Variants in TENM3 observed in about 807,000 individuals in gnomAD.
TENM3 encodes teneurin transmembrane protein 3.
In TENM3, 63 loss-of-function variants were observed where a neutral mutation model predicts 255.1. The ratio of observed to expected loss-of-function variants is 0.25; its 90% confidence interval spans 0.20 to 0.30. TENM3 has a LOEUF of 0.30. Ranked by LOEUF, TENM3 falls within the 10% of genes least tolerant of loss-of-function variation. The pLI, the probability that TENM3 is intolerant of heterozygous loss-of-function variation, is 1.00. For missense variants in TENM3, 2,929 were observed against 3,461.1 expected (o/e 0.85, Z 3.86); for synonymous variants, 1,306 against 1,322.3 (o/e 0.99, Z 0.27).
At chr4:182,072,105 G>T in the TENM3 span, among the ~76,000 whole-genome samples, 12 of 152,192 alleles carry the variant, frequency 7.9e-5, no homozygotes, top group Non-Finnish European at 1.5e-4. Context: ...TGGCTGCCCA[G>T]TTGTCTTGTC....
rs769939566 is a variant in TENM3 at position 182,755,010 on chromosome 4, G to GCAATGA, written c.4650_4655dup (p.Asn1551_Asp1552dup). The GCAATGA allele has an allele frequency of 6.2e-7, 1 of 1,613,968 alleles. No homozygotes were observed. Among genetic ancestry groups the GCAATGA allele is most frequent in the South Asian group, 1.1e-5 (1 of 91,078 alleles). ...GATTACCTTTACAATTTTAGCTACA[G>GCAATGA]CAATGACAATGATATTACTGCTGTG... On this transcript the variant is annotated inframe_insertion, in exon 22 of 28. Coordinates refer to ENST00000511685, the MANE Select transcript of TENM3 (RefSeq NM_001080477.4).
the TENM3 span, among the ~76,000 whole-genome samples, chr4:181,734,019 A>G: frequency 0.43 from 65,897 of 152,050 alleles, 15,585 homozygotes; most frequent in East Asian, 0.62. Context: ...TTATTAAGCC[A>G]TAAACGTATC....
chr4:181,982,396 ATG>A, the TENM3 span, among the ~76,000 whole-genome samples: 2 of 152,170 alleles, frequency 1.3e-5, no homozygotes, highest in Non-Finnish European at 2.9e-5. Context: ...TGGGAGGCGG[ATG>A]TACAGTATTG....
chr4:182,113,467 C>G, the TENM3 span, among the ~76,000 whole-genome samples: 2 of 152,082 alleles, frequency 1.3e-5, no homozygotes, highest in African/African-American at 2.4e-5. Context: ...TCTATCCTTC[C>G]TCTCTATTAC....
In TENM3 at chr4:182,638,005, T is replaced by TGAAGA. The variant is rs201849423; in HGVS notation, c.988+9119_988+9120insGAGAA. Among the ~76,000 whole-genome samples, 1,257 of 151,804 alleles carry TGAAGA rather than the reference T, an allele frequency of 8.3e-3. 17 individuals are homozygous for TGAAGA. The highest frequency in any genetic ancestry group is 0.029 in the African/African-American group (1,190 of 41,390). Reference sequence around the variant, plus strand: ...TTAAAACTAATATATTGTGATATAATGAAAATTTATCCATGTGTTAGGGGA... The same window carrying TGAAGA: ...TTAAAACTAATATATTGTGATATAATGAAGAGAAAATTTATCCATGTGTTAGGGGA... On this transcript the variant is annotated intron_variant, in intron 5 of 27. Coordinates refer to ENST00000511685, the MANE Select transcript of TENM3 (RefSeq NM_001080477.4).
chr4:182,520,976 A>G (rs1049228981), intron 3 of TENM3, among the ~76,000 whole-genome samples: 1 of 152,158 alleles, frequency 6.6e-6, no homozygotes, highest in Admixed American at 6.5e-5. Flanking sequence ...GTTCAAATAT[A>G]TGTCAGACTG....
chr4:182,489,430 C>A (rs1735063860), intron 3 of TENM3, among the ~76,000 whole-genome samples: 1 of 151,960 alleles, frequency 6.6e-6, no homozygotes, highest in Admixed American at 6.6e-5. Flanking sequence ...AGTGAAATAA[C>A]CTTTGGTTAT....
chr4:181,924,933 T>C, the TENM3 span, among the ~76,000 whole-genome samples: 1 of 152,232 alleles, frequency 6.6e-6, no homozygotes, highest in African/African-American at 2.4e-5. Context: ...AAAATATTGC[T>C]ATAATCTTAT....
chr4:182,772,581 C>T (rs1223182178), intron 22 of TENM3: 3 of 151,652 alleles, frequency 2.0e-5, no homozygotes, highest in Admixed American at 1.3e-4. Context: ...CAGACGACAC[C>T]ATCATTTTTG....
chr4:182,413,899 T>C (rs1255164816), intron 3 of TENM3, among the ~76,000 whole-genome samples: 1 of 152,202 alleles, frequency 6.6e-6, no homozygotes, highest in African/African-American at 2.4e-5. Context: ...GAACACAGTC[T>C]TGTAAACACT....
the TENM3 span, among the ~76,000 whole-genome samples, chr4:181,453,274 T>A: frequency 6.6e-6 from 1 of 152,138 alleles, no homozygotes; most frequent in Non-Finnish European, 1.5e-5. Flanking sequence ...TGGAGTCGAA[T>A]AATAGGCTTA....
the TENM3 span, among the ~76,000 whole-genome samples, chr4:181,872,010 G>A: frequency 9.2e-5 from 14 of 152,050 alleles, no homozygotes; most frequent in Non-Finnish European, 1.8e-4. Context: ...AGAAATATTG[G>A]TTTCTATATT....
intron 3 of TENM3, among the ~76,000 whole-genome samples, chr4:182,519,476 C>T (rs929232108): frequency 2.6e-5 from 4 of 152,046 alleles, no homozygotes; most frequent in Non-Finnish European, 5.9e-5. Flanking sequence ...TTTTTCTTTC[C>T]CTCTCCACAG....
chr4:182,174,747 A>G (rs76987182), intron 1 of TENM3, among the ~76,000 whole-genome samples: 376 of 152,302 alleles, frequency 2.5e-3, no homozygotes, highest in African/African-American at 8.2e-3. Context: ...TTAATATCCA[A>G]TTTAATGAAA....
the TENM3 span, among the ~76,000 whole-genome samples, chr4:181,899,302 A>G: frequency 3.3e-5 from 5 of 152,222 alleles, no homozygotes; most frequent in Middle Eastern, 3.5e-3. Flanking sequence ...ATCTTGAGGT[A>G]TATATTGTCT....
At chr4:182,485,125 T>C (rs1299926359) in intron 3 of TENM3, among the ~76,000 whole-genome samples, 1 of 152,154 alleles carries the variant, frequency 6.6e-6, no homozygotes, top group Non-Finnish European at 1.5e-5. Context: ...TGTGGTATGG[T>C]ATATAAATCA....
Position 182,682,032 on chromosome 4 carries a change from A to G in TENM3, c.2035+18A>G, listed in dbSNP as rs781604013. 19 of 1,604,042 alleles carry G rather than the reference A, an allele frequency of 1.2e-5. No homozygotes were observed. In the Admixed American group the frequency reaches 2.8e-4, roughly 24 times the overall value. Reference sequence around the variant, plus strand: ...CTCAAACGGTGAGGTTAATAAATGCAGTACAATCGAGTTGCTTAATACTGT... The same window carrying G: ...CTCAAACGGTGAGGTTAATAAATGCGGTACAATCGAGTTGCTTAATACTGT... On this transcript the variant is annotated intron_variant, in intron 11 of 27. Transcript: ENST00000511685.
At chr4:182,483,679 T>C (rs918658012) in intron 3 of TENM3, among the ~76,000 whole-genome samples, 37 of 152,166 alleles carry the variant, frequency 2.4e-4, no homozygotes, top group Non-Finnish European at 7.4e-5. Flanking sequence ...ATAAAAAAAC[T>C]ACCTGATACT....
At chr4:181,704,604 T>C in the TENM3 span, among the ~76,000 whole-genome samples, 1 of 152,166 alleles carries the variant, frequency 6.6e-6, no homozygotes, top group East Asian at 1.9e-4. Flanking sequence ...GATGGACCCA[T>C]ACAGGAATTC....
Sources: allele counts gnomAD v4.1 joint callset (sites outside exome capture counted in the v4.1 genomes callset), GRCh38; gene constraint gnomAD v4.1.1; transcripts MANE v1.5; gene names NCBI Gene and HGNC (gene_info 2026-07-23, HGNC 2026-07-21).